PPARG: variants seen among roughly 807,000 people sequenced by gnomAD.
The protein encoded by PPARG is peroxisome proliferator-activated receptor gamma.
In PPARG, 17 loss-of-function variants were observed where a neutral mutation model predicts 39.2. The observed-to-expected ratio is 0.43, with a 90% CI of 0.30 to 0.65. The LOEUF (loss-of-function observed/expected upper bound fraction) is 0.65. Among genes scored for constraint, PPARG ranks in the 30% least tolerant of loss-of-function variants. PPARG has a pLI of 0.13. For missense variants in PPARG, 406 were observed against 585.9 expected, an observed-to-expected ratio of 0.69 and a Z score of 3.17; for synonymous variants, 223 against 215.7, an observed-to-expected ratio of 1.03 and a Z score of -0.30.
At chr3:12,394,869 G>C (rs1198287726) in intron 5 of PPARG, among the ~76,000 whole-genome samples, 1 of 152,164 alleles carries the variant, frequency 6.6e-6, no homozygotes, top group Non-Finnish European at 1.5e-5. Flanking sequence ...CATATAGAAT[G>C]CCTTTTTATC....
At chr3:12,417,902 CTTTT>C (rs869086237) in intron 7 of PPARG, among the ~76,000 whole-genome samples, 1 of 65,900 alleles carries the variant, frequency 1.5e-5, no homozygotes, top group African/African-American at 5.9e-5. Flanking sequence ...TTTTTTTTTC[CTTTT>C]TTTTTTTTTT....
chr3:12,360,424 C>A (rs975688456), intron 2 of PPARG, among the ~76,000 whole-genome samples: 1 of 152,054 alleles, frequency 6.6e-6, no homozygotes, highest in African/African-American at 2.4e-5. Flanking sequence ...CTTGGTTTGT[C>A]TGCATGTTTC....
At chr3:12,356,593 C>T (rs1171512437) in intron 2 of PPARG, among the ~76,000 whole-genome samples, 4 of 152,180 alleles carry the variant, frequency 2.6e-5, no homozygotes, top group Non-Finnish European at 4.4e-5. Context: ...CTTTGCCATC[C>T]AGTGCAAACT....
chr3:12,397,177 T>A (rs1044760100), intron 5 of PPARG, among the ~76,000 whole-genome samples: 16 of 151,910 alleles, frequency 1.1e-4, no homozygotes, highest in South Asian at 8.3e-4. Flanking sequence ...TTGTAATTTT[T>A]TAAAAAAAAC....
chr3:12,410,828 A>T (rs1200394053), intron 6 of PPARG, among the ~76,000 whole-genome samples: 1 of 152,216 alleles, frequency 6.6e-6, no homozygotes, highest in Non-Finnish European at 1.5e-5. Flanking sequence ...TATTGGAAAG[A>T]TATCTGTCCT....
At chr3:12,420,575 G>T (rs949285627) in intron 7 of PPARG, among the ~76,000 whole-genome samples, 1 of 152,176 alleles carries the variant, frequency 6.6e-6, no homozygotes, top group Non-Finnish European at 1.5e-5. Context: ...AGGCTCTTAG[G>T]GCCCCAGACT....
chr3:12,380,391 C>T (rs1347586186), intron 3 of PPARG, among the ~76,000 whole-genome samples: 1 of 152,092 alleles, frequency 6.6e-6, no homozygotes, highest in Non-Finnish European at 1.5e-5. Context: ...TATACTGAAA[C>T]CTACTTTTAA....
At chr3:12,342,826 C>A (rs1368417106) in intron 2 of PPARG, among the ~76,000 whole-genome samples, 2 of 151,526 alleles carry the variant, frequency 1.3e-5, no homozygotes, top group East Asian at 1.9e-4. Flanking sequence ...AAACCCCTAC[C>A]TTTTCAGATA....
chr3:12,332,279 T>A (rs58910856), intron 2 of PPARG, among the ~76,000 whole-genome samples: 38,270 of 152,040 alleles, frequency 0.25, 4,939 homozygotes, highest in East Asian at 0.33. Context: ...TAGGGTGAAA[T>A]AAAATTTAAA....
At chr3:12,427,342 C>A (rs960531001) in intron 7 of PPARG, among the ~76,000 whole-genome samples, 4 of 152,114 alleles carry the variant, frequency 2.6e-5, no homozygotes, top group African/African-American at 9.7e-5. Flanking sequence ...ACTACAGGAA[C>A]GAGAACTTGC....
chr3:12,420,515 G>A (rs1209578492), intron 7 of PPARG, among the ~76,000 whole-genome samples: 2 of 152,158 alleles, frequency 1.3e-5, no homozygotes, highest in African/African-American at 4.8e-5. Flanking sequence ...GATCCAGTTG[G>A]CCTCATTCTG....
intron 2 of PPARG, among the ~76,000 whole-genome samples, chr3:12,329,694 C>T (rs1205218139): frequency 2.0e-5 from 3 of 152,046 alleles, no homozygotes; most frequent in Non-Finnish European, 4.4e-5. Flanking sequence ...GGTACAGTGG[C>T]ATTGGTTACG....
chr3:12,372,085 A>T (rs747882073), intron 2 of PPARG: 1 of 721,460 alleles, frequency 1.4e-6, no homozygotes, highest in South Asian at 1.5e-5. Context: ...CAACAAAACT[A>T]CAAAGGACCT....
In PPARG at chr3:12,379,784, G is replaced by A. The variant is rs2049564404; in HGVS notation, c.73G>A (p.Asp25Asn). ...ISSVDLSVME[D>N]HSHSFDIKPF... ...CTCCGTGGATCTCTCCGTAATGGAA[G>A]ACCACTCCCACTCCTTTGATATCAA... Residue 25 changes from aspartate (D) to asparagine (N), a missense_variant, in exon 3 of 8, where the codon GAC becomes AAC. By Grantham distance (23) the Asp-to-Asn change is conservative (BLOSUM62 1). This residue lies in a region of PPARG where 131 missense variants were observed against 127.9 expected (regional missense o/e 1.02). Coordinates refer to ENST00000651735, the MANE Select transcript of PPARG (RefSeq NM_138711.6). The A allele has an allele frequency of 1.9e-6, 3 of 1,614,000 alleles. No homozygotes were observed. Among genetic ancestry groups the A allele is most frequent in the Non-Finnish European group, 8.5e-7 (1 of 1,179,954 alleles).
chr3:12,369,229 C>T (rs763350771), intron 2 of PPARG, among the ~76,000 whole-genome samples: 5 of 152,104 alleles, frequency 3.3e-5, no homozygotes, highest in South Asian at 2.1e-4. Context: ...TAGTGACTCA[C>T]GCCTGTAATC....
At chr3:12,346,354 C>T (rs2048324521) in intron 2 of PPARG, among the ~76,000 whole-genome samples, 1 of 152,064 alleles carries the variant, frequency 6.6e-6, no homozygotes, top group Non-Finnish European at 1.5e-5. Flanking sequence ...GGAGAATTTC[C>T]ATTAAATTTT....
chr3:12,352,044 A>C (rs114297732), intron 2 of PPARG, among the ~76,000 whole-genome samples: 305 of 152,220 alleles, frequency 2.0e-3, no homozygotes, highest in African/African-American at 6.9e-3. Flanking sequence ...TTTTCATCTC[A>C]TATGTTAGAG....
At chr3:12,311,280 T>G (rs1378101950) in intron 1 of PPARG, among the ~76,000 whole-genome samples, 1 of 151,990 alleles carries the variant, frequency 6.6e-6, no homozygotes, top group East Asian at 1.9e-4. Flanking sequence ...ATTTTTCTGT[T>G]TTTTGTAGAG....
At chr3:12,314,642 GAC>G (rs1384623083) in intron 2 of PPARG, among the ~76,000 whole-genome samples, 1 of 152,112 alleles carries the variant, frequency 6.6e-6, no homozygotes, top group Non-Finnish European at 1.5e-5. Flanking sequence ...AGGCATAAAA[GAC>G]ACATCTTTGC....
Sources: gnomAD v4.1 joint callset for allele counts (sites outside exome capture counted in the v4.1 genomes callset) on GRCh38, gnomAD v4.1.1 for gene constraint, gnomAD v4.1.1 regional missense constraint, MANE v1.5 for transcripts, NCBI Gene and HGNC (gene_info 2026-07-23, HGNC 2026-07-21) for gene names.